The following ZMYM2 variants were observed in gnomAD, a reference collection of about 807,000 sequenced individuals.
ZMYM2 encodes zinc finger MYM-type containing 2, also known as zinc finger MYM-type protein 2.
Under a neutral mutation model 162.8 loss-of-function variants are expected in ZMYM2, and 56 were observed. The ratio of observed to expected loss-of-function variants is 0.34; its 90% CI spans 0.28 to 0.43. The LOEUF is 0.43. Ranked by LOEUF, ZMYM2 falls within the 20% of genes least tolerant of loss-of-function variation. The pLI is 1.00. For synonymous variants in ZMYM2, 510 were observed against 541.6 expected (o/e 0.94, Z 0.81); for missense variants, 1,275 against 1,621.8 (o/e 0.79, Z 3.67).
chr13:20,039,534 C>T (rs259803), intron 12 of ZMYM2, among the ~76,000 whole-genome samples: 15,068 of 146,940 alleles, frequency 0.1, 1,247 homozygotes, highest in African/African-American at 0.23. Flanking sequence ...AGTGCAGTGG[C>T]GCCATCTTGG....
At chr13:20,080,861 A>G (rs1957863861) in intron 21 of ZMYM2, among the ~76,000 whole-genome samples, 1 of 152,218 alleles carries the variant, frequency 6.6e-6, no homozygotes, top group Admixed American at 6.5e-5. Flanking sequence ...CAAATGGTAC[A>G]TGGTTACAGG....
chr13:19,961,711 A>C (rs1026525804), intron 2 of ZMYM2, among the ~76,000 whole-genome samples: 8 of 152,248 alleles, frequency 5.3e-5, no homozygotes, highest in African/African-American at 1.9e-4. Flanking sequence ...AACGGAAAGC[A>C]GTGCTGCTTT....
the ZMYM2 span, among the ~76,000 whole-genome samples, chr13:19,926,962 C>A: frequency 6.6e-6 from 1 of 152,340 alleles, no homozygotes; most frequent in South Asian, 2.1e-4. Context: ...GCCACCACTC[C>A]CAGCCAGGAC....
the ZMYM2 span, among the ~76,000 whole-genome samples, chr13:19,932,368 C>T: frequency 2.0e-5 from 3 of 152,056 alleles, no homozygotes; most frequent in South Asian, 6.2e-4. Flanking sequence ...ACACCAGAGG[C>T]CGGGCATGGT....
chr13:19,973,774 C>T (rs1002569838), intron 2 of ZMYM2, among the ~76,000 whole-genome samples: 27 of 151,930 alleles, frequency 1.8e-4, no homozygotes, highest in African/African-American at 5.8e-4. Flanking sequence ...CCGCAGGTCC[C>T]GTGCTGCCTA....
the ZMYM2 span, among the ~76,000 whole-genome samples, chr13:19,891,497 C>T: frequency 2.0e-5 from 3 of 150,198 alleles, no homozygotes; most frequent in African/African-American, 7.4e-5. Flanking sequence ...TAACCCTAAC[C>T]AGGTATAGTG....
At chr13:20,033,726 A>G (rs1953415015) in intron 10 of ZMYM2, among the ~76,000 whole-genome samples, 1 of 152,186 alleles carries the variant, frequency 6.6e-6, no homozygotes, top group African/African-American at 2.4e-5. Context: ...ATTATTACTA[A>G]TCATGTTCCA....
upstream of ZMYM2, chr13:19,958,577 G>A (rs113555480): frequency 0.013 from 1,915 of 151,938 alleles, 24 homozygotes; most frequent in Non-Finnish European, 0.021. Context: ...CAGCCCTTCG[G>A]ACCACCCTAC....
chr13:20,037,100 T>A (rs1953776230), intron 12 of ZMYM2, among the ~76,000 whole-genome samples, 191 bp downstream of exon 12: 1 of 152,300 alleles, frequency 6.6e-6, no homozygotes, highest in East Asian at 1.9e-4. Context: ...TCTCTTTTTT[T>A]AATAACTTAA....
At chr13:20,054,141 A>C (rs1280360519) in intron 14 of ZMYM2, among the ~76,000 whole-genome samples, 2 of 152,234 alleles carry the variant, frequency 1.3e-5, no homozygotes, top group African/African-American at 4.8e-5. Context: ...AGCTTTTGGA[A>C]TCTTCTAATT....
At chr13:19,986,105 G>A (rs1309352341) in intron 2 of ZMYM2, among the ~76,000 whole-genome samples, 2 of 151,882 alleles carry the variant, frequency 1.3e-5, no homozygotes, top group African/African-American at 2.4e-5. Context: ...AGGAGGATCC[G>A]TTGAGTCCAG....
At chr13:19,867,105 C>A in the ZMYM2 span, among the ~76,000 whole-genome samples, 1 of 152,170 alleles carries the variant, frequency 6.6e-6, no homozygotes, top group Non-Finnish European at 1.5e-5. Flanking sequence ...GTAATCCCAG[C>A]ACTTTGGGAA....
chr13:20,023,884 A>G (rs974381213), intron 7 of ZMYM2, among the ~76,000 whole-genome samples: 6 of 151,560 alleles, frequency 4.0e-5, no homozygotes, highest in African/African-American at 1.2e-4. Context: ...CAGTATTGAA[A>G]TATTCTCAGT....
the ZMYM2 span, among the ~76,000 whole-genome samples, chr13:19,874,205 T>C: frequency 6.6e-6 from 1 of 152,066 alleles, no homozygotes; most frequent in South Asian, 2.1e-4. Context: ...ACCTGGGACT[T>C]GATTTTCTTT....
intron 3 of ZMYM2, among the ~76,000 whole-genome samples, chr13:20,000,914 C>T (rs1044402464): frequency 2.0e-5 from 3 of 152,326 alleles, no homozygotes; most frequent in South Asian, 2.1e-4. Context: ...GGAAAGGATT[C>T]GCCATTCTCA....
upstream of ZMYM2, among the ~76,000 whole-genome samples, chr13:19,957,824 C>G (rs1264161534): frequency 6.6e-6 from 1 of 152,224 alleles, no homozygotes; most frequent in African/African-American, 2.4e-5. Flanking sequence ...GAGCCCGCAG[C>G]TCCCTCCATC....
At chr13:20,036,019 A>C (rs928446272) in intron 11 of ZMYM2, among the ~76,000 whole-genome samples, 4 of 152,108 alleles carry the variant, frequency 2.6e-5, no homozygotes, top group Non-Finnish European at 5.9e-5. Context: ...CGTGGGCAGC[A>C]TTTGTGGTAG....
the ZMYM2 span, among the ~76,000 whole-genome samples, chr13:19,869,406 T>C: frequency 6.6e-6 from 1 of 152,234 alleles, no homozygotes; most frequent in African/African-American, 2.4e-5. Context: ...GACGTTCTTA[T>C]ATTTTGTAAG....
intron 2 of ZMYM2, among the ~76,000 whole-genome samples, chr13:19,983,102 G>A (rs1211149850): frequency 2.0e-5 from 3 of 151,520 alleles, no homozygotes; most frequent in African/African-American, 7.3e-5. Context: ...GGTCTTTGGG[G>A]GTAAAGAATT....
Sources: allele counts gnomAD v4.1 joint callset (sites outside exome capture counted in the v4.1 genomes callset), GRCh38; gene constraint gnomAD v4.1.1; transcripts MANE v1.5; gene names NCBI Gene and HGNC (gene_info 2026-07-23, HGNC 2026-07-21).